NOP16: variants seen among roughly 807,000 people sequenced by gnomAD.
NOP16 encodes NOP16 nucleolar protein.
Under a neutral mutation model 22.7 loss-of-function variants are expected in NOP16, and 14 were observed. The ratio of observed to expected loss-of-function variants is 0.62; its 90% CI spans 0.41 to 0.97. The LOEUF is 0.97. Ranked by LOEUF, NOP16 falls within the 50% of genes least tolerant of loss-of-function variation. The pLI is 0.00. For synonymous variants in NOP16, 80 were observed against 83.6 expected (o/e 0.96, Z 0.23); for missense variants, 198 against 235.9 (o/e 0.84, Z 1.05).
rs749478336 is a variant in NOP16, at chr5:176,385,240, T to G, written c.374A>C (p.Asn125Thr). 1.2e-6 allele frequency: 2 copies of G among 1,609,070 alleles called. No homozygotes were observed. Among genetic ancestry groups the G allele is most frequent in the Non-Finnish European group, 8.5e-7 (1 of 1,175,482 alleles). The part of the protein sequence containing the change: ...LIDYVRYMVE[N>T]HGEDYKAMAR... ...GCTCACCTTATAGTCCTCCCCGTGG[T>G]TCTCTACCATGTAGCGTACATAGTC... Residue 125 changes from asparagine (N) to threonine (T), a missense_variant, in exon 4 of 5, where the codon AAC (asparagine) becomes ACC (threonine). Asn to Thr is a moderately conservative substitution (Grantham distance 65). Transcript: ENST00000614830.
intron 4 of NOP16, chr5:176,384,718 C>T: frequency 2.6e-6 from 1 of 385,672 alleles, no homozygotes; most frequent in African/African-American, 2.0e-5. Context: ...TGCGGTGAGC[C>T]ATGATCACAC....
At position 176,388,575 on chromosome 5, in the gene NOP16, G is replaced by A. The variant is rs753723748; in HGVS notation, c.-36C>T. On this transcript the variant is annotated 5_prime_UTR_variant, in exon 1 of 5. Coordinates refer to ENST00000614830, the MANE Select transcript of NOP16 (RefSeq NM_016391.8). ...ACCGCACCAGCAGCTCAAACACGCT[G>A]CCTCTGTCTCTCAGACCTCGTGTAA... is the stretch of plus-strand genomic sequence containing the variant. 2 of 1,566,272 alleles carry A rather than the reference G, an allele frequency of 1.3e-6. No homozygotes were observed. The highest frequency in any genetic ancestry group is 1.7e-5 in the Admixed American group (1 of 59,386).
At chr5:176,387,084 TTTTTTC>T (rs1018138327) in intron 2 of NOP16, 175 bp from the exon 3 acceptor site, 25 of 587,634 alleles carry the variant, frequency 4.3e-5, no homozygotes, top group Non-Finnish European at 6.0e-5. Context: ...CTCTCTTTTT[TTTTTTC>T]TTTTTCTTTT....
intron 1 of NOP16, 25 bp downstream of exon 1, chr5:176,388,408 C>A (rs1285758822): frequency 2.5e-6 from 4 of 1,613,466 alleles, no homozygotes; most frequent in South Asian, 2.2e-5. Context: ...AGGCCCACGG[C>A]CACCCGGAAC....
At chr5:176,388,405 C>T in intron 1 of NOP16, 28 bp downstream of exon 1, 5 of 1,613,092 alleles carry the variant, frequency 3.1e-6, no homozygotes, top group Non-Finnish European at 4.2e-6. Flanking sequence ...CCGAGGCCCA[C>T]GGCCACCCGG....
chr5:176,386,566 G>C, intron 3 of NOP16: 1 of 508,816 alleles, frequency 2.0e-6, no homozygotes, highest in South Asian at 2.0e-5. Context: ...CCATGCCAGA[G>C]ATTTACTGGT....
At chr5:176,384,644 C>T (rs568421347) in intron 4 of NOP16, 3 of 483,464 alleles carry the variant, frequency 6.2e-6, no homozygotes, top group Non-Finnish European at 1.1e-5. Context: ...AATTAACCAT[C>T]CTGTGGTCCC....
In NOP16 at chr5:176,384,102, A is replaced by G. The variant is rs1379257516; in HGVS notation, c.*129T>C. The stretch of plus-strand genomic sequence containing the variant: ...GCGGGGAGTGTGCACGTGTGTGTGT[A>G]ACCTTCTGATTCCATGGGACCTGGC... On this transcript the variant is annotated 3_prime_UTR_variant, in exon 5 of 5. Coordinates refer to ENST00000614830, the MANE Select transcript of NOP16 (RefSeq NM_016391.8). 6.2e-7 allele frequency: 1 copy of G among 1,605,796 alleles called. No homozygotes were observed. Among genetic ancestry groups the G allele is most frequent in the Non-Finnish European group, 8.5e-7 (1 of 1,179,286 alleles).
intron 2 of NOP16, among the ~76,000 whole-genome samples, chr5:176,387,286 G>A (rs1481530536): frequency 6.6e-6 from 1 of 152,112 alleles, no homozygotes; most frequent in Admixed American, 6.5e-5. Context: ...TGCCATGTTG[G>A]CCAGGCCGGT....
rs375603089 is a variant in NOP16, at chr5:176,385,580, G to A, written c.287-253C>T. Among the ~76,000 whole-genome samples the A allele has an allele frequency of 5.9e-5, 9 of 152,264 alleles. No homozygotes were observed. In the East Asian group the frequency reaches 1.2e-3, roughly 20 times the overall value. ...TTGGAAAGGGAAGTCACTTCTCTCC[G>A]GGCCTCAGGTGGATTTACAAGGAAG... is the stretch of plus-strand genomic sequence containing the variant. On this transcript the variant is annotated intron_variant, in intron 3 of 4. Transcript: ENST00000614830.
chr5:176,386,989 T>C (rs778391150), intron 2 of NOP16, 80 bp from the exon 3 acceptor site: 1 of 1,229,128 alleles, frequency 8.1e-7, no homozygotes, highest in South Asian at 1.2e-5. Flanking sequence ...CCAACACAAC[T>C]ACTAACCCAT....
Position 176,384,364 on chromosome 5 carries a change from C to A in NOP16, c.404G>T (p.Arg135Leu). Residue 135 changes from arginine (R) to leucine (L), a missense_variant, in exon 5 of 5, where the codon CGT becomes CTT. Coordinates refer to ENST00000614830, the MANE Select transcript of NOP16 (RefSeq NM_016391.8). ...ATCTTGATAGTAATTCTTCTCATCA[C>A]GGGCCATGGCCTAAGAGGAGAAGGG... is the stretch of plus-strand genomic sequence containing the variant. ...NHGEDYKAMA[R>L]DEKNYYQDTP... 1 of 1,612,786 alleles carries A rather than the reference C, an allele frequency of 6.2e-7. No individual in the cohort carries two copies. Among genetic ancestry groups the A allele is most frequent in the Middle Eastern group, 1.7e-4 (1 of 6,056 alleles).
At position 176,384,195 on chromosome 5, in the gene NOP16, G is replaced by A. The variant is rs754304687; in HGVS notation, c.*36C>T. On this transcript the variant is annotated 3_prime_UTR_variant, in exon 5 of 5. Coordinates refer to ENST00000614830, the MANE Select transcript of NOP16 (RefSeq NM_016391.8). ...TGGCTCCAGCTTCACTGGTCCGGGG[G>A]ACGCCTCAGCCTGGGGCAGCTGTGA... 3 of 1,613,994 alleles carry A rather than the reference G, an allele frequency of 1.9e-6. No individual in the cohort carries two copies. The highest frequency in any genetic ancestry group is 1.7e-6 in the Non-Finnish European group (2 of 1,180,038).
In NOP16 at chr5:176,386,829, A is replaced by G. The variant is rs758511158; in HGVS notation, c.286+11T>C. On this transcript the variant is annotated intron_variant, in intron 3 of 4. Coordinates refer to ENST00000614830, the MANE Select transcript of NOP16 (RefSeq NM_016391.8). ...GACAGTGACCTAAAGGAATATATGG[A>G]CCACACCCACCATTCAGCACATAGG... 7 of 1,612,110 alleles carry G rather than the reference A, an allele frequency of 4.3e-6. No individual in the cohort carries two copies. The East Asian group carries it at 1.3e-4, about 31-fold the overall frequency.
chr5:176,385,772 GC>G (rs1169434493), intron 3 of NOP16, among the ~76,000 whole-genome samples: 1 of 152,162 alleles, frequency 6.6e-6, no homozygotes, highest in Non-Finnish European at 1.5e-5. Context: ...GAGATCTAGA[GC>G]TGCCGGGTCT....
intron 3 of NOP16, chr5:176,385,958 T>A (rs531307157): frequency 6.6e-6 from 1 of 152,600 alleles, no homozygotes; most frequent in African/African-American, 2.4e-5. Context: ...TCGAATCATA[T>A]CCAGAGGTTA....
intron 2 of NOP16, among the ~76,000 whole-genome samples, chr5:176,387,614 G>A (rs1755981962): frequency 6.6e-6 from 1 of 152,228 alleles, no homozygotes; most frequent in Non-Finnish European, 1.5e-5. Flanking sequence ...GGCAGGCAGA[G>A]AAAGATGAAT....
chr5:176,388,152 G>A, intron 2 of NOP16, 83 bp downstream of exon 2: 1 of 1,018,140 alleles, frequency 9.8e-7, no homozygotes, highest in East Asian at 2.4e-5. Flanking sequence ...GAAGGAATGG[G>A]CAGTACCACG....
Position 176,384,112 on chromosome 5 carries a change from T to C in NOP16, c.*119A>G. On this transcript the variant is annotated 3_prime_UTR_variant, in exon 5 of 5. Coordinates refer to ENST00000614830, the MANE Select transcript of NOP16 (RefSeq NM_016391.8). ...TGCACGTGTGTGTGTAACCTTCTGA[T>C]TCCATGGGACCTGGCCAGCTCCTCT... is the stretch of plus-strand genomic sequence containing the variant. 6.2e-7 allele frequency: 1 copy of C among 1,609,020 alleles called. No homozygotes were observed. The highest frequency in any genetic ancestry group is 8.5e-7 in the Non-Finnish European group (1 of 1,179,646).
Sources: allele counts gnomAD v4.1 joint callset (sites outside exome capture counted in the v4.1 genomes callset), GRCh38; gene constraint gnomAD v4.1.1; transcripts MANE v1.5; gene names NCBI Gene and HGNC (gene_info 2026-07-23, HGNC 2026-07-21).